MNS1: variants seen among roughly 807,000 people sequenced by gnomAD.
The protein encoded by MNS1 is meiosis-specific nuclear structural protein 1.
A neutral mutation model predicts 72.0 loss-of-function variants in MNS1; 63 were observed. That is an observed-to-expected ratio of 0.87 (90% CI 0.71 to 1.08). The LOEUF is 1.08. Among genes scored for constraint, MNS1 ranks in the 50% least tolerant of loss-of-function variants. MNS1 has a pLI of 0.00. For synonymous variants in MNS1, 188 were observed against 172.1 expected (o/e 1.09, Z -0.72); for missense variants, 604 against 562.4 (o/e 1.07, Z -0.75).
Position 56,464,103 on chromosome 15 carries a change from G to A in MNS1, c.148C>T (p.Arg50Cys). Reference sequence around the variant, plus strand: ...CTGAGAAATTGCTTGCGCTGAACACGGTTATCATTTTCATTCTGCACCATT... The same window carrying A: ...CTGAGAAATTGCTTGCGCTGAACACAGTTATCATTTTCATTCTGCACCATT... ...NQMVQNENDN[R>C]VQRKQFLRLL... The change falls in exon 2 of 10, where the codon CGT becomes TGT. Residue 50 changes from arginine to cysteine, a missense_variant. Arg to Cys is a radical substitution (Grantham distance 180). Coordinates refer to ENST00000260453, the MANE Select transcript of MNS1 (RefSeq NM_018365.4). 2 of 1,614,034 alleles carry A rather than the reference G, an allele frequency of 1.2e-6. No individual in the cohort carries two copies. The highest frequency in any genetic ancestry group is 1.7e-6 in the Non-Finnish European group (2 of 1,180,000).
intron 2 of MNS1, among the ~76,000 whole-genome samples, chr15:56,460,867 T>G (rs1422414428): frequency 2.0e-5 from 3 of 152,120 alleles, no homozygotes; most frequent in Admixed American, 6.5e-5. Flanking sequence ...TTGTCAGGGT[T>G]CTCCAGAGTA....
At chr15:56,431,574 G>A (rs2050597410) in intron 8 of MNS1, 76 bp from the exon 9 acceptor site, 1 of 1,443,954 alleles carries the variant, frequency 6.9e-7, no homozygotes, top group East Asian at 2.3e-5. Flanking sequence ...AACTACTCAT[G>A]CAATGAATTA....
intron 7 of MNS1, among the ~76,000 whole-genome samples, chr15:56,438,339 T>G (rs933464023): frequency 6.6e-6 from 1 of 151,928 alleles, no homozygotes; most frequent in Non-Finnish European, 1.5e-5. Flanking sequence ...GCTCTTTTTT[T>G]TTGTTACAAA....
At chr15:56,446,238 G>A (rs2050901521) in intron 4 of MNS1, among the ~76,000 whole-genome samples, 1 of 151,930 alleles carries the variant, frequency 6.6e-6, no homozygotes, top group South Asian at 2.1e-4. Context: ...GTTTGATAAT[G>A]AGAGCTCAAG....
chr15:56,435,383 G>T (rs1681400386), intron 7 of MNS1, among the ~76,000 whole-genome samples: 1 of 151,736 alleles, frequency 6.6e-6, no homozygotes, highest in Admixed American at 6.6e-5. Context: ...CAAAAGGCTG[G>T]TTCTTAAAAA....
intron 2 of MNS1, among the ~76,000 whole-genome samples, chr15:56,461,683 CG>C (rs2051022346): frequency 1.0e-5 from 1 of 99,386 alleles, no homozygotes; most frequent in African/African-American, 3.7e-5. Context: ...AAAAAAAAAA[CG>C]ACACAGAGGC....
chr15:56,444,746 G>A, intron 4 of MNS1, 73 bp from the exon 5 acceptor site: 1 of 1,207,472 alleles, frequency 8.3e-7, no homozygotes, highest in Non-Finnish European at 1.2e-6. Context: ...TTACACCAAT[G>A]TTATTGAATA....
chr15:56,447,507 T>G (rs2050915709), intron 3 of MNS1: 1 of 152,204 alleles, frequency 6.6e-6, no homozygotes, highest in Non-Finnish European at 1.5e-5. Context: ...AGTTTTATAC[T>G]TTTCATTAGG....
chr15:56,448,849 G>C (rs1431548761), intron 3 of MNS1, among the ~76,000 whole-genome samples: 1 of 151,006 alleles, frequency 6.6e-6, no homozygotes, highest in Non-Finnish European at 1.5e-5. Flanking sequence ...CGCCACCCAG[G>C]TTCACGCGAT....
chr15:56,459,855 T>G (rs1233332626), intron 2 of MNS1, among the ~76,000 whole-genome samples: 4 of 150,074 alleles, frequency 2.7e-5, no homozygotes, highest in African/African-American at 9.8e-5. Flanking sequence ...CTGGGTGTGG[T>G]GGTGCATGCC....
intron 8 of MNS1, among the ~76,000 whole-genome samples, chr15:56,432,944 T>G (rs1306412656): frequency 5.3e-5 from 8 of 152,190 alleles, no homozygotes; most frequent in African/African-American, 1.9e-4. Flanking sequence ...TATTATCCAT[T>G]TGGTTCTTAA....
At chr15:56,446,472 T>C (rs1302448606) in intron 4 of MNS1, among the ~76,000 whole-genome samples, 2 of 151,954 alleles carry the variant, frequency 1.3e-5, no homozygotes, top group African/African-American at 4.8e-5. Context: ...TACATAAAAT[T>C]ATCAAGTAGT....
intron 2 of MNS1, among the ~76,000 whole-genome samples, chr15:56,461,674 A>AC (rs2051021843): frequency 6.6e-6 from 1 of 151,182 alleles, no homozygotes; most frequent in Non-Finnish European, 1.5e-5. Flanking sequence ...AAAAAAAAAA[A>AC]AAAAAAAACG....
chr15:56,457,485 A>G (rs1023288593), intron 2 of MNS1, among the ~76,000 whole-genome samples: 2 of 152,246 alleles, frequency 1.3e-5, no homozygotes, highest in East Asian at 3.8e-4. Context: ...TGGGAATGTA[A>G]AATGGTACAG....
chr15:56,455,407 G>T (rs2050975706), intron 3 of MNS1, among the ~76,000 whole-genome samples: 1 of 152,088 alleles, frequency 6.6e-6, no homozygotes, highest in Non-Finnish European at 1.5e-5. Context: ...GATTAGAGTT[G>T]TGGAGCCAGA....
At chr15:56,434,066 GT>G in intron 8 of MNS1, 71 bp downstream of exon 8, 1 of 1,466,934 alleles carries the variant, frequency 6.8e-7, no homozygotes, top group Non-Finnish European at 9.2e-7. Context: ...CTCAGTAAAT[GT>G]TTAGTGGATG....
chr15:56,432,676 C>T (rs1159521992), intron 8 of MNS1, among the ~76,000 whole-genome samples: 2 of 152,136 alleles, frequency 1.3e-5, no homozygotes, highest in Non-Finnish European at 2.9e-5. Context: ...AGTCTGATTT[C>T]TAGTTAGTTG....
chr15:56,454,516 T>C (rs2050968982), intron 3 of MNS1, among the ~76,000 whole-genome samples: 1 of 152,210 alleles, frequency 6.6e-6, no homozygotes, highest in African/African-American at 2.4e-5. Context: ...CTATTCAGGA[T>C]TAAGTCATAC....
At chr15:56,435,969 G>A (rs1230162407) in intron 7 of MNS1, among the ~76,000 whole-genome samples, 1 of 151,866 alleles carries the variant, frequency 6.6e-6, no homozygotes, top group Non-Finnish European at 1.5e-5. Flanking sequence ...TTATTACAGG[G>A]ATGCAAGACT....
Sources: gnomAD v4.1 joint callset for allele counts (sites outside exome capture counted in the v4.1 genomes callset) on GRCh38, gnomAD v4.1.1 for gene constraint, MANE v1.5 for transcripts, NCBI Gene and HGNC (gene_info 2026-07-23, HGNC 2026-07-21) for gene names.